The following RBPMS variants were observed in gnomAD, a reference collection of about 807,000 sequenced individuals.
The protein encoded by RBPMS is RNA-binding protein with multiple splicing.
RBPMS carries 7 observed loss-of-function variants against 26.8 expected under a neutral mutation model. The observed-to-expected ratio is 0.26, with a 90% CI of 0.15 to 0.49. RBPMS has a LOEUF of 0.49. Ranked by LOEUF, RBPMS falls within the 20% of genes least tolerant of loss-of-function variation. RBPMS has a pLI of 0.98. For synonymous variants in RBPMS, 96 were observed against 93.3 expected (o/e 1.03, Z -0.17); for missense variants, 186 against 250.0 (o/e 0.74, Z 1.73).
intron 4 of RBPMS, among the ~76,000 whole-genome samples, chr8:30,493,431 A>G (rs745770904): frequency 5.3e-5 from 8 of 152,170 alleles, no homozygotes; most frequent in Non-Finnish European, 1.2e-4. Context: ...GAAAGGGACT[A>G]CTGGCAGCAC....
intron 1 of RBPMS, among the ~76,000 whole-genome samples, chr8:30,473,746 A>G (rs1022676759): frequency 7.2e-5 from 11 of 152,312 alleles, no homozygotes; most frequent in Middle Eastern, 3.4e-3. Flanking sequence ...CATATACACC[A>G]TGGAATACTA....
chr8:30,556,125 A>T (rs6468394), intron 6 of RBPMS: 2 of 985,418 alleles, frequency 2.0e-6, no homozygotes, highest in East Asian at 2.3e-4. Context: ...TGGCAAGCAC[A>T]TAGTGTCCTA....
At chr8:30,414,207 A>C (rs1809798301) in intron 1 of RBPMS, among the ~76,000 whole-genome samples, 1 of 149,006 alleles carries the variant, frequency 6.7e-6, no homozygotes, top group Admixed American at 6.8e-5. Flanking sequence ...TTTATTAATG[A>C]TACACTTCTT....
At chr8:30,459,330 A>T (rs1815626688) in intron 1 of RBPMS, among the ~76,000 whole-genome samples, 1 of 151,792 alleles carries the variant, frequency 6.6e-6, no homozygotes, top group Admixed American at 6.6e-5. Flanking sequence ...TCTGTTGCTC[A>T]GGCTTTCCTT....
intron 4 of RBPMS, among the ~76,000 whole-genome samples, chr8:30,496,625 C>T (rs963942923): frequency 6.6e-6 from 1 of 152,184 alleles, no homozygotes; most frequent in South Asian, 2.1e-4. Flanking sequence ...TATCAGAGAA[C>T]CTGACCCAGT....
At position 30,419,965 on chromosome 8, in the gene RBPMS, G is replaced by A. The variant is rs528706473; in HGVS notation, c.66+34807G>A. On this transcript the variant is annotated intron_variant, in intron 1 of 8. Coordinates refer to ENST00000397323, the MANE Select transcript of RBPMS (RefSeq NM_001008710.3). Reference sequence around the variant, plus strand: ...ATAGGTCTGGTGCAGTGGCTCATGTGTGTAATCCCAGCACTTTGAGAGGAC... The same window carrying A: ...ATAGGTCTGGTGCAGTGGCTCATGTATGTAATCCCAGCACTTTGAGAGGAC... Among the ~76,000 whole-genome samples, 11 of 152,254 alleles carry A rather than the reference G, an allele frequency of 7.2e-5. No homozygotes were observed. In the East Asian group the frequency reaches 1.9e-3, roughly 27 times the overall value.
Position 30,489,258 on chromosome 8 carries a change from G to T in RBPMS, c.246+9881G>T, listed in dbSNP as rs369380909. ...AGTGTTGTCTCTCTGTATTGCCCAGGCTGGCCTCAAACTCCTGGCCTCAAG... is the reference window on the plus strand; with the variant it reads ...AGTGTTGTCTCTCTGTATTGCCCAGTCTGGCCTCAAACTCCTGGCCTCAAG... On this transcript the variant is annotated intron_variant, in intron 4 of 8. Coordinates refer to ENST00000397323, the MANE Select transcript of RBPMS (RefSeq NM_001008710.3). 7.1e-4 allele frequency among the ~76,000 whole-genome samples: 108 copies of T among 152,090 alleles called. 1 individual carries two copies. Among genetic ancestry groups the T allele is most frequent in the African/African-American group, 2.5e-3 (103 of 41,502 alleles).
intron 7 of RBPMS, among the ~76,000 whole-genome samples, 169 bp downstream of exon 7, chr8:30,559,125 G>A (rs1334852206): frequency 6.6e-6 from 1 of 152,124 alleles, no homozygotes; most frequent in South Asian, 2.1e-4. Context: ...CATCTTTTCC[G>A]AGAGGAAATT....
intron 1 of RBPMS, among the ~76,000 whole-genome samples, chr8:30,389,711 A>C (rs1379851613): frequency 6.6e-6 from 1 of 152,258 alleles, no homozygotes; most frequent in African/African-American, 2.4e-5. Context: ...TGCTAACTAA[A>C]TCATTGTATA....
Position 30,490,012 on chromosome 8 carries a change from CTG to C in RBPMS, c.246+10639_246+10640del, listed in dbSNP as rs1585639554. ...ATTTTTTAGTAGAGACAGGATTTCA[CTG>C]TGTTAGTCAGGATGGTCTCGATCTC... On this transcript the variant is annotated intron_variant, in intron 4 of 8. Coordinates refer to ENST00000397323, the MANE Select transcript of RBPMS (RefSeq NM_001008710.3). Among the ~76,000 whole-genome samples the C allele has an allele frequency of 2.6e-5, 4 of 152,042 alleles. No homozygotes were observed. The East Asian group carries it at 7.8e-4, about 30-fold the overall frequency.
At chr8:30,453,715 T>C (rs1487187952) in intron 1 of RBPMS, 1 of 152,226 alleles carries the variant, frequency 6.6e-6, no homozygotes, top group African/African-American at 2.4e-5. Context: ...TTCAAAGGCC[T>C]CTGCTCCAAG....
At chr8:30,411,223 C>CT (rs1809355553) in intron 1 of RBPMS, among the ~76,000 whole-genome samples, 3 of 152,292 alleles carry the variant, frequency 2.0e-5, no homozygotes, top group Admixed American at 2.0e-4. Context: ...CTGTATGTGT[C>CT]TTTACTCCAG....
chr8:30,557,708 G>A (rs1045456427), intron 6 of RBPMS, among the ~76,000 whole-genome samples: 5 of 152,230 alleles, frequency 3.3e-5, no homozygotes, highest in Non-Finnish European at 7.3e-5. Context: ...ACTCCCAGCA[G>A]CACTTCTGGG....
At chr8:30,409,665 G>T (rs1809064203) in intron 1 of RBPMS, among the ~76,000 whole-genome samples, 1 of 151,902 alleles carries the variant, frequency 6.6e-6, no homozygotes, top group South Asian at 2.1e-4. Context: ...ACGGAGTCTC[G>T]CTCTGTTGCC....
chr8:30,477,680 A>G (rs1563356670), intron 2 of RBPMS, 119 bp from the exon 3 acceptor site: 2 of 687,110 alleles, frequency 2.9e-6, no homozygotes, highest in Middle Eastern at 2.7e-4. Flanking sequence ...GCTTTCCCAG[A>G]TAACTTAGGA....
intron 5 of RBPMS, among the ~76,000 whole-genome samples, chr8:30,530,636 A>G (rs1169836804): frequency 6.6e-6 from 1 of 151,762 alleles, no homozygotes; most frequent in East Asian, 1.9e-4. Flanking sequence ...CTAATTTTGT[A>G]TTTTTAGTAG....
chr8:30,418,321 G>C (rs1490772811), intron 1 of RBPMS, among the ~76,000 whole-genome samples: 3 of 152,064 alleles, frequency 2.0e-5, no homozygotes, highest in African/African-American at 7.2e-5. Context: ...GGCTCAAGGG[G>C]TCCTCCCGCC....
chr8:30,487,379 CTG>C (rs1458035383), intron 4 of RBPMS, among the ~76,000 whole-genome samples: 1 of 152,210 alleles, frequency 6.6e-6, no homozygotes, highest in Non-Finnish European at 1.5e-5. Flanking sequence ...TGGTCTTACT[CTG>C]TAACTGGAAT....
chr8:30,393,589 C>T lies in RBPMS; in HGVS notation c.66+8431C>T, dbSNP rs1276751927. On this transcript the variant is annotated intron_variant, in intron 1 of 8. Coordinates refer to ENST00000397323, the MANE Select transcript of RBPMS (RefSeq NM_001008710.3). ...TCAGCCTGGAGTGCAGTGGCGCCAT[C>T]TCACTGCAACCTCCACTGCCTGGGT... 2.6e-5 allele frequency among the ~76,000 whole-genome samples: 4 copies of T among 151,742 alleles called. No individual in the cohort carries two copies. In the East Asian group the frequency reaches 7.7e-4, roughly 29 times the overall value.
Sources: gnomAD v4.1 joint callset for allele counts (sites outside exome capture counted in the v4.1 genomes callset) on GRCh38, gnomAD v4.1.1 for gene constraint, MANE v1.5 for transcripts, NCBI Gene and HGNC (gene_info 2026-07-23, HGNC 2026-07-21) for gene names.